Variants in CALN1 observed in about 807,000 individuals in gnomAD.
CALN1 encodes calcium-binding protein 8.
CALN1 carries 17 observed loss-of-function variants against 30.6 expected under a neutral mutation model. That is an observed-to-expected ratio of 0.56 (90% CI 0.38 to 0.83). The LOEUF (loss-of-function observed/expected upper bound fraction) is 0.83, where lower values mean the gene tolerates loss of function less well. CALN1 is among the 40% of genes least tolerant of loss of function. CALN1 has a pLI of 0.00. For missense variants in CALN1, 291 were observed against 354.9 expected (o/e 0.82, Z 1.45); for synonymous variants, 156 against 131.4 (o/e 1.19, Z -1.28).
the CALN1 span, among the ~76,000 whole-genome samples, chr7:72,498,227 T>C: frequency 6.6e-6 from 1 of 152,208 alleles, no homozygotes; most frequent in East Asian, 1.9e-4. Context: ...GTATTTGCCA[T>C]CTCAGGAGGA....
chr7:71,814,588 T>C (rs1288958866), intron 5 of CALN1, among the ~76,000 whole-genome samples: 4 of 152,166 alleles, frequency 2.6e-5, no homozygotes, highest in Admixed American at 6.5e-5. Context: ...GGTCCACTTA[T>C]ATGTGGATTT....
intron 3 of CALN1, among the ~76,000 whole-genome samples, chr7:72,250,459 C>G (rs750102333): frequency 2.0e-5 from 3 of 152,160 alleles, no homozygotes; most frequent in Non-Finnish European, 4.4e-5. Flanking sequence ...CTCCTGCACC[C>G]GTACTCTTAA....
chr7:71,929,643 A>G, intron 5 of CALN1, among the ~76,000 whole-genome samples: 1 of 152,178 alleles, frequency 6.6e-6, no homozygotes, highest in East Asian at 1.9e-4. Context: ...TTTATTCATC[A>G]GCTGAAGGAC....
At chr7:71,905,655 A>G (rs1406713005) in intron 5 of CALN1, among the ~76,000 whole-genome samples, 1 of 152,000 alleles carries the variant, frequency 6.6e-6, no homozygotes, top group Non-Finnish European at 1.5e-5. Flanking sequence ...GATAAACTCT[A>G]TAAAGATTCT....
intron 3 of CALN1, among the ~76,000 whole-genome samples, chr7:72,117,369 T>A (rs991007422): frequency 6.6e-6 from 1 of 152,194 alleles, no homozygotes; most frequent in East Asian, 1.9e-4. Context: ...GTCTCATAGA[T>A]GGCAGCCCTC....
intron 5 of CALN1, among the ~76,000 whole-genome samples, chr7:71,815,762 C>T (rs1308450839): frequency 6.7e-6 from 1 of 148,564 alleles, no homozygotes; most frequent in Non-Finnish European, 1.5e-5. Flanking sequence ...CTCCTTCTTT[C>T]CTTCCCTCTC....
intron 4 of CALN1, among the ~76,000 whole-genome samples, chr7:72,071,150 A>G (rs1360558091): frequency 1.3e-5 from 2 of 152,202 alleles, no homozygotes; most frequent in African/African-American, 4.8e-5. Context: ...GCCGCTACCC[A>G]TCCCCTACTC....
chr7:71,782,833 C>G lies in CALN1; in HGVS notation c.*4942G>C, dbSNP rs980763118. ...TCTCAGCTCACTGCAGCCTCCGCCT[C>G]CAGGGTTCAAGTGATTCTCCCTCCT... On this transcript the variant is annotated 3_prime_UTR_variant, in exon 7 of 7. Transcript: ENST00000395275. The G allele has an allele frequency of 2.0e-5, 3 of 152,180 alleles. No individual in the cohort carries two copies. Among genetic ancestry groups the G allele is most frequent in the African/African-American group, 7.2e-5 (3 of 41,430 alleles). 9.4% of individuals were successfully genotyped at this position (152,180 alleles called of 1,614,324 possible). A position where few individuals can be genotyped will look rare whatever the true frequency, so the allele number is the denominator to read the frequency against.
chr7:71,887,364 C>T (rs921982149), intron 5 of CALN1, among the ~76,000 whole-genome samples: 3 of 152,184 alleles, frequency 2.0e-5, no homozygotes, highest in Non-Finnish European at 2.9e-5. Flanking sequence ...GGTACAATCT[C>T]GGCTTACCGC....
At chr7:71,911,093 G>C (rs1051400833) in intron 5 of CALN1, among the ~76,000 whole-genome samples, 2 of 152,054 alleles carry the variant, frequency 1.3e-5, no homozygotes, top group African/African-American at 2.4e-5. Context: ...CAAAGTCTGG[G>C]ACTAGTTAAT....
intron 4 of CALN1, among the ~76,000 whole-genome samples, chr7:72,092,725 A>ATAGT (rs1805957426): frequency 6.6e-6 from 1 of 151,346 alleles, no homozygotes; most frequent in Non-Finnish European, 1.5e-5. Context: ...TTCTGGGCAT[A>ATAGT]TAGTTGGGTT....
intron 1 of CALN1, among the ~76,000 whole-genome samples, chr7:72,427,014 A>C (rs750531048): frequency 5.9e-5 from 9 of 151,938 alleles, no homozygotes; most frequent in Non-Finnish European, 1.0e-4. Context: ...ATGAGATCTC[A>C]CTCTGTCACC....
At chr7:71,983,299 G>A (rs966222987) in intron 5 of CALN1, among the ~76,000 whole-genome samples, 3 of 152,098 alleles carry the variant, frequency 2.0e-5, no homozygotes, top group East Asian at 1.9e-4. Flanking sequence ...TATTTACCTC[G>A]GACAATGATG....
At chr7:72,288,976 A>G (rs1798288596) in intron 2 of CALN1, among the ~76,000 whole-genome samples, 1 of 152,194 alleles carries the variant, frequency 6.6e-6, no homozygotes. Context: ...TTTTCAATGA[A>G]GTGTAAATGT....
At chr7:71,937,759 A>G (rs1795920865) in intron 5 of CALN1, among the ~76,000 whole-genome samples, 1 of 152,232 alleles carries the variant, frequency 6.6e-6, no homozygotes, top group Non-Finnish European at 1.5e-5. Flanking sequence ...GATTACAGGC[A>G]TGAGCCACTG....
chr7:72,325,396 T>A (rs1801199255), intron 2 of CALN1, among the ~76,000 whole-genome samples: 1 of 151,614 alleles, frequency 6.6e-6, no homozygotes, highest in South Asian at 2.1e-4. Flanking sequence ...AGGTCAAGAG[T>A]TCGAGACCAG....
chr7:72,438,371 C>T (rs964440632), intron 1 of CALN1, among the ~76,000 whole-genome samples: 2 of 152,186 alleles, frequency 1.3e-5, no homozygotes, highest in African/African-American at 4.8e-5. Context: ...ATCCTCCCAC[C>T]TCAGCCTCCC....
chr7:72,408,590 G>A (rs946136768), intron 1 of CALN1, among the ~76,000 whole-genome samples: 4 of 151,512 alleles, frequency 2.6e-5, no homozygotes, highest in East Asian at 1.9e-4. Flanking sequence ...TAAATTCATG[G>A]GATACAAGTG....
At chr7:72,135,514 A>G (rs1809447279) in intron 3 of CALN1, among the ~76,000 whole-genome samples, 1 of 152,226 alleles carries the variant, frequency 6.6e-6, no homozygotes, top group Non-Finnish European at 1.5e-5. Context: ...ATTGTCAATG[A>G]GCAGGAATAT....
Sources: gnomAD v4.1 joint callset for allele counts (sites outside exome capture counted in the v4.1 genomes callset) on GRCh38, gnomAD v4.1.1 for gene constraint, MANE v1.5 for transcripts, NCBI Gene and HGNC (gene_info 2026-07-23, HGNC 2026-07-21) for gene names.